MSN: variants seen among roughly 807,000 people sequenced by gnomAD.
MSN encodes the protein moesin.
Under a neutral mutation model 48.0 loss-of-function variants are expected in MSN, and 2 were observed. The observed-to-expected ratio is 0.04, with a 90% CI of 0.02 to 0.13. MSN has a LOEUF of 0.13. MSN is among the 10% of genes least tolerant of loss of function. The probability of loss-of-function intolerance (pLI) is 1.00; values close to 1 mark genes in which losing one functional copy is unlikely to be tolerated. For missense variants in MSN, 267 were observed against 470.1 expected (o/e 0.57, Z 3.99); for synonymous variants, 146 against 166.9 (o/e 0.87, Z 0.97).
chrX:65,683,170 T>C (rs1218475722), intron 1 of MSN, among the ~76,000 whole-genome samples: 2 of 112,158 alleles, frequency 1.8e-5, no homozygotes, highest in Admixed American at 1.9e-4. Flanking sequence ...TTTTTTTGTG[T>C]TTGTGCTGCT....
chrX:65,611,303 G>T (rs1464035524), intron 1 of MSN, among the ~76,000 whole-genome samples: 2 of 110,182 alleles, frequency 1.8e-5, no homozygotes, highest in Admixed American at 2.0e-4. Flanking sequence ...GCGATTACAG[G>T]TGTGTGCCAC....
intron 1 of MSN, among the ~76,000 whole-genome samples, chrX:65,661,215 C>T (rs779119307): frequency 1.8e-5 from 2 of 112,014 alleles, no homozygotes; most frequent in East Asian, 5.6e-4. Flanking sequence ...CCAACCGCCT[C>T]AGTCTCTCAA....
chrX:65,704,589 CT>C (rs1010944328), intron 1 of MSN, among the ~76,000 whole-genome samples: 15 of 111,117 alleles, frequency 1.3e-4, no homozygotes, highest in Non-Finnish European at 3.8e-5. Context: ...GGCCTGCCCT[CT>C]GTTGAAAGCT....
At chrX:65,623,372 T>TC (rs1285093951) in intron 1 of MSN, among the ~76,000 whole-genome samples, 5 of 107,429 alleles carry the variant, frequency 4.7e-5, no homozygotes, top group African/African-American at 1.7e-4. Context: ...TCTTTTCTTT[T>TC]TTTTTTTTTT....
chrX:65,607,142 T>C (rs1342232085), intron 1 of MSN, among the ~76,000 whole-genome samples: 1 of 112,407 alleles, frequency 8.9e-6, no homozygotes, highest in Non-Finnish European at 1.9e-5. Flanking sequence ...GAGATATCAC[T>C]AGCCCCATTT....
At chrX:65,591,827 C>A (rs1214717450) in intron 1 of MSN, among the ~76,000 whole-genome samples, 1 of 110,978 alleles carries the variant, frequency 9.0e-6, no homozygotes, top group Non-Finnish European at 1.9e-5. Context: ...CTAGTTCTCC[C>A]CTTCCATCCC....
intron 3 of MSN, 48 bp from the exon 4 acceptor site, chrX:65,729,390 A>G (rs369467207): frequency 1.7e-6 from 2 of 1,171,434 alleles, no homozygotes; most frequent in African/African-American, 3.6e-5. Context: ...CCACTCCATT[A>G]CCCTTAAAAC....
intron 1 of MSN, among the ~76,000 whole-genome samples, chrX:65,638,359 A>T (rs933177337): frequency 8.1e-5 from 9 of 111,426 alleles, no homozygotes; most frequent in African/African-American, 2.6e-4. Flanking sequence ...CCACTCTCCC[A>T]TAGCATTTCT....
intron 1 of MSN, among the ~76,000 whole-genome samples, chrX:65,618,505 T>C (rs1321696557): frequency 1.8e-5 from 2 of 111,468 alleles, no homozygotes; most frequent in South Asian, 3.8e-4. Context: ...TTAAAGTCTG[T>C]TTTATCAGAG....
At chrX:65,595,867 G>A (rs866315389) in intron 1 of MSN, among the ~76,000 whole-genome samples, 4 of 112,171 alleles carry the variant, frequency 3.6e-5, no homozygotes, top group East Asian at 2.8e-4. Flanking sequence ...TAGAATCCAC[G>A]TTTCCTGAAT....
rs142976851 is a variant in MSN, at chrX:65,717,289, G to A, written c.96+388G>A. ...TTGCACCCAAATGATATTTGGCTGG[G>A]ATTTGCACTCCACATTGTTGCCACT... is the stretch of plus-strand genomic sequence containing the variant. On this transcript the variant is annotated intron_variant, in intron 2 of 12. Transcript: ENST00000360270. 9.2e-3 allele frequency among the ~76,000 whole-genome samples: 1,032 copies of A among 111,925 alleles called. 11 individuals are homozygous for A. Among genetic ancestry groups the A allele is most frequent in the Admixed American group, 0.05 (532 of 10,561 alleles).
chrX:65,714,017 G>A (rs1194473481), intron 1 of MSN, among the ~76,000 whole-genome samples: 1 of 111,233 alleles, frequency 9.0e-6, no homozygotes, highest in East Asian at 2.8e-4. Context: ...TGGCCTCAAG[G>A]GATGCGTCCA....
chrX:65,687,803 G>C (rs1473658478), intron 1 of MSN, among the ~76,000 whole-genome samples: 1 of 111,530 alleles, frequency 9.0e-6, no homozygotes, highest in East Asian at 2.8e-4. Context: ...TTTATTCCAG[G>C]GAGAGTCGAG....
intron 1 of MSN, among the ~76,000 whole-genome samples, chrX:65,704,437 C>T (rs771181052): frequency 1.3e-4 from 15 of 111,738 alleles, no homozygotes; most frequent in Non-Finnish European, 2.8e-4. Flanking sequence ...TACTGGGGGC[C>T]TTCCCAACCA....
At chrX:65,690,870 A>T (rs1390689720) in intron 1 of MSN, among the ~76,000 whole-genome samples, 1 of 111,660 alleles carries the variant, frequency 9.0e-6, no homozygotes, top group Non-Finnish European at 1.9e-5. Context: ...ATATTGGGGC[A>T]CACTGTATCA....
chrX:65,598,215 CAG>C (rs1433457161), intron 1 of MSN, among the ~76,000 whole-genome samples: 1 of 107,532 alleles, frequency 9.3e-6, no homozygotes, highest in Non-Finnish European at 1.9e-5. Flanking sequence ...GGCAAAGAGA[CAG>C]AGAAAAGAAA....
intron 1 of MSN, among the ~76,000 whole-genome samples, chrX:65,637,014 C>T (rs760222398): frequency 3.1e-4 from 33 of 106,887 alleles, no homozygotes; most frequent in African/African-American, 1.1e-3. Flanking sequence ...GGCGTGAAAC[C>T]AGGAGGCGGA....
rs925700846 is a variant in MSN at position 65,607,865 on chromosome X, G to C, written c.-22+19253G>C. Among the ~76,000 whole-genome samples the C allele has an allele frequency of 4.8e-4, 54 of 111,935 alleles. 1 individual carries two copies. The highest frequency in any genetic ancestry group is 1.6e-3 in the African/African-American group (48 of 30,752). On this transcript the variant is annotated intron_variant, in intron 1 of 3. Coordinates refer to the MSN transcript ENST00000609672. Reference sequence around the variant, plus strand: ...TCACTGGGCGTGGTGACACATGCTTGTAATTGTTGCTACTCAGGAGGTTGA... The same window carrying C: ...TCACTGGGCGTGGTGACACATGCTTCTAATTGTTGCTACTCAGGAGGTTGA...
At chrX:65,607,559 G>A (rs1284642895) in intron 1 of MSN, among the ~76,000 whole-genome samples, 1 of 111,604 alleles carries the variant, frequency 9.0e-6, no homozygotes, top group African/African-American at 3.3e-5. Flanking sequence ...TTGTATTCAT[G>A]ATATCATAGA....
Sources: gnomAD v4.1 joint callset for allele counts (sites outside exome capture counted in the v4.1 genomes callset) on GRCh38, gnomAD v4.1.1 for gene constraint, MANE v1.5 for transcripts, NCBI Gene and HGNC (gene_info 2026-07-23, HGNC 2026-07-21) for gene names.